OSBPL8: variants seen among roughly 807,000 people sequenced by gnomAD.
The protein encoded by OSBPL8 is oxysterol-binding protein-related protein 8.
A neutral mutation model predicts 125.5 loss-of-function variants in OSBPL8; 59 were observed. That is an observed-to-expected ratio of 0.47 (90% CI 0.38 to 0.58). OSBPL8 has a LOEUF of 0.58. Ranked by LOEUF, OSBPL8 falls within the 20% of genes least tolerant of loss-of-function variation. The pLI, the probability that OSBPL8 is intolerant of heterozygous loss-of-function variation, is 0.00. For missense variants in OSBPL8, 758 were observed against 1,047.8 expected (o/e 0.72, Z 3.82); for synonymous variants, 330 against 338.9 (o/e 0.97, Z 0.29).
At chr12:76,390,764 C>G in intron 10 of OSBPL8, 107 bp from the exon 11 acceptor site, 1 of 711,698 alleles carries the variant, frequency 1.4e-6, no homozygotes, top group Non-Finnish European at 2.3e-6. Flanking sequence ...ATGTGCCAGA[C>G]AGTGTTCTAA....
At chr12:76,507,034 T>C (rs1880488878) in intron 1 of OSBPL8, among the ~76,000 whole-genome samples, 1 of 151,774 alleles carries the variant, frequency 6.6e-6, no homozygotes, top group Non-Finnish European at 1.5e-5. Context: ...AGTATGGCAT[T>C]TGACAACCAT....
intron 1 of OSBPL8, among the ~76,000 whole-genome samples, chr12:76,526,899 C>T (rs1323989444): frequency 1.3e-5 from 2 of 151,968 alleles, no homozygotes; most frequent in Non-Finnish European, 2.9e-5. Context: ...GATCCACCGT[C>T]TCAGCCTCCC....
chr12:76,475,907 T>C (rs1876745784), intron 2 of OSBPL8, among the ~76,000 whole-genome samples: 1 of 152,214 alleles, frequency 6.6e-6, no homozygotes, highest in African/African-American at 2.4e-5. Flanking sequence ...GCATTTTTGC[T>C]TTTAAACTGT....
At chr12:76,414,357 T>G (rs1465207288) in intron 4 of OSBPL8, among the ~76,000 whole-genome samples, 1 of 151,448 alleles carries the variant, frequency 6.6e-6, no homozygotes, top group Non-Finnish European at 1.5e-5. Flanking sequence ...TGATATATTT[T>G]TATATGTGTA....
At chr12:76,499,671 T>C (rs1879693060) in intron 1 of OSBPL8, among the ~76,000 whole-genome samples, 1 of 152,000 alleles carries the variant, frequency 6.6e-6, no homozygotes, top group African/African-American at 2.4e-5. Flanking sequence ...GCCAAAATGT[T>C]GAAACCTCGT....
chr12:76,484,445 A>G (rs1011329501), intron 2 of OSBPL8, among the ~76,000 whole-genome samples: 2 of 152,234 alleles, frequency 1.3e-5, no homozygotes, highest in African/African-American at 4.8e-5. Context: ...GCTTAATATT[A>G]ATAGTTATAA....
At chr12:76,519,863 G>A (rs1172762772) in intron 1 of OSBPL8, among the ~76,000 whole-genome samples, 7 of 152,152 alleles carry the variant, frequency 4.6e-5, no homozygotes, top group Admixed American at 1.3e-4. Context: ...AACCATTCAT[G>A]AGGAATCTGC....
intron 1 of OSBPL8, among the ~76,000 whole-genome samples, chr12:76,505,401 T>A (rs1179183905): frequency 6.6e-6 from 1 of 152,228 alleles, no homozygotes; most frequent in Non-Finnish European, 1.5e-5. Flanking sequence ...TATCACCATC[T>A]AATTCCCCTT....
intron 15 of OSBPL8, among the ~76,000 whole-genome samples, chr12:76,383,320 A>G (rs149682741): frequency 0.011 from 1,710 of 152,056 alleles, 31 homozygotes; most frequent in African/African-American, 0.039. Context: ...GGTAAGAAAT[A>G]TATCAAATAT....
At chr12:76,480,698 C>G (rs1877377390) in intron 2 of OSBPL8, among the ~76,000 whole-genome samples, 1 of 152,150 alleles carries the variant, frequency 6.6e-6, no homozygotes, top group Non-Finnish European at 1.5e-5. Flanking sequence ...CTGGCAACTC[C>G]TCGGGTGAGA....
At chr12:76,409,826 A>G (rs1029920771) in intron 5 of OSBPL8, among the ~76,000 whole-genome samples, 4 of 152,208 alleles carry the variant, frequency 2.6e-5, no homozygotes, top group Non-Finnish European at 4.4e-5. Flanking sequence ...AGCAAGCCCA[A>G]CTGCTGAGAA....
intron 1 of OSBPL8, among the ~76,000 whole-genome samples, chr12:76,519,492 C>T (rs959117216): frequency 1.3e-5 from 2 of 152,196 alleles, no homozygotes; most frequent in Non-Finnish European, 2.9e-5. Flanking sequence ...GCCCATTACC[C>T]AGTTCCAAAG....
At chr12:76,432,475 G>C (rs774640090) in intron 4 of OSBPL8, among the ~76,000 whole-genome samples, 18 of 152,096 alleles carry the variant, frequency 1.2e-4, no homozygotes, top group Non-Finnish European at 2.5e-4. Context: ...CAGCTACCTG[G>C]GACGTTGAAA....
chr12:76,408,533 G>A (rs1954375539), intron 5 of OSBPL8, among the ~76,000 whole-genome samples: 1 of 151,186 alleles, frequency 6.6e-6, no homozygotes, highest in African/African-American at 2.4e-5. Flanking sequence ...ATAGGTAATA[G>A]GAGAGTCAAG....
chr12:76,503,969 T>C (rs755477125), intron 1 of OSBPL8, among the ~76,000 whole-genome samples: 2 of 151,934 alleles, frequency 1.3e-5, no homozygotes, highest in Non-Finnish European at 2.9e-5. Flanking sequence ...AACATCAGTA[T>C]AGATGTTGCT....
chr12:76,440,341 C>T (rs190756310), intron 4 of OSBPL8, among the ~76,000 whole-genome samples: 3 of 151,942 alleles, frequency 2.0e-5, no homozygotes, highest in African/African-American at 7.2e-5. Context: ...CTGGTGGTGA[C>T]GGTATTTTAG....
intron 4 of OSBPL8, among the ~76,000 whole-genome samples, chr12:76,437,182 A>G (rs879118388): frequency 6.6e-6 from 1 of 152,188 alleles, no homozygotes; most frequent in Admixed American, 6.5e-5. Context: ...AAAGGATTAG[A>G]GTTTATCTTT....
intron 2 of OSBPL8, among the ~76,000 whole-genome samples, chr12:76,464,666 C>T (rs1875177881): frequency 6.6e-6 from 1 of 152,122 alleles, no homozygotes. Context: ...GGAAGGCCAC[C>T]CTAATAATAA....
At chr12:76,546,374 G>A (rs1950782968) in intron 1 of OSBPL8, among the ~76,000 whole-genome samples, 1 of 151,950 alleles carries the variant, frequency 6.6e-6, no homozygotes, top group African/African-American at 2.4e-5. Flanking sequence ...TAATGACAGG[G>A]TATTTTTTTA....
Sources: allele counts gnomAD v4.1 joint callset (sites outside exome capture counted in the v4.1 genomes callset), GRCh38; gene constraint gnomAD v4.1.1; transcripts MANE v1.5; gene names NCBI Gene and HGNC (gene_info 2026-07-23, HGNC 2026-07-21).